MTDH: variants seen among roughly 807,000 people sequenced by gnomAD.
MTDH encodes protein LYRIC.
In MTDH, 34 loss-of-function variants were observed where a neutral mutation model predicts 72.7. That is an observed-to-expected ratio of 0.47 (90% CI 0.36 to 0.62). The LOEUF (loss-of-function observed/expected upper bound fraction) is 0.62, where lower values mean the gene tolerates loss of function less well. MTDH is among the 20% of genes least tolerant of loss of function. MTDH has a pLI of 0.00. For synonymous variants in MTDH, 266 were observed against 268.9 expected (o/e 0.99, Z 0.10); for missense variants, 677 against 699.4 (o/e 0.97, Z 0.36).
chr8:97,720,646 C>T (rs1332225222), intron 10 of MTDH, among the ~76,000 whole-genome samples: 1 of 126,546 alleles, frequency 7.9e-6, no homozygotes, highest in Non-Finnish European at 1.6e-5. Flanking sequence ...GTCTATTTGA[C>T]TTTTTTTTTT....
At chr8:97,665,256 T>C (rs1438048521) in intron 2 of MTDH, among the ~76,000 whole-genome samples, 1 of 152,174 alleles carries the variant, frequency 6.6e-6, no homozygotes. Flanking sequence ...TAGATAAAAG[T>C]TTGCCTAGAA....
intron 10 of MTDH, among the ~76,000 whole-genome samples, chr8:97,719,492 CAAAAAA>C (rs11383714): frequency 5.0e-5 from 4 of 79,930 alleles, no homozygotes; most frequent in African/African-American, 1.2e-4. Context: ...GACACTGTCT[CAAAAAA>C]AAAAAAAAAA....
Position 97,729,298 on chromosome 8 carries a change from G to T in MTDH, c.*4628G>T, listed in dbSNP as rs1213887240. ...AAACTTCCTATCGGCATCTGAGCCAGCTGGTAGAGGGCATTACCTCCCCCA... is the reference window on the plus strand; with the variant it reads ...AAACTTCCTATCGGCATCTGAGCCATCTGGTAGAGGGCATTACCTCCCCCA... On this transcript the variant is annotated 3_prime_UTR_variant, in exon 12 of 12. Transcript: ENST00000336273. Among the ~76,000 whole-genome samples the T allele has an allele frequency of 1.3e-5, 2 of 152,022 alleles. No individual in the cohort carries two copies. Among genetic ancestry groups the T allele is most frequent in the Non-Finnish European group, 2.9e-5 (2 of 68,002 alleles).
intron 2 of MTDH, among the ~76,000 whole-genome samples, chr8:97,665,626 G>A (rs1289449352): frequency 6.6e-6 from 1 of 152,110 alleles, no homozygotes; most frequent in Admixed American, 6.6e-5. Flanking sequence ...TCAGTAAGTA[G>A]GCATATGGAG....
chr8:97,687,348 C>T, intron 3 of MTDH, 81 bp from the exon 4 acceptor site: 2 of 1,182,074 alleles, frequency 1.7e-6, no homozygotes, highest in Non-Finnish European at 2.3e-6. Context: ...TTTATGTGCT[C>T]CACCCCATAT....
intron 2 of MTDH, among the ~76,000 whole-genome samples, chr8:97,679,864 C>T (rs2130980671): frequency 6.6e-6 from 1 of 152,212 alleles, no homozygotes. Flanking sequence ...ACCATATGTT[C>T]CATATATTGA....
intron 2 of MTDH, among the ~76,000 whole-genome samples, chr8:97,664,171 C>T (rs1812288443): frequency 6.6e-6 from 1 of 152,146 alleles, no homozygotes; most frequent in Admixed American, 6.5e-5. Flanking sequence ...GCCTGGTCAA[C>T]ATGGTGAAAC....
At chr8:97,671,192 C>T (rs1812608375) in intron 2 of MTDH, among the ~76,000 whole-genome samples, 1 of 152,018 alleles carries the variant, frequency 6.6e-6, no homozygotes, top group Non-Finnish European at 1.5e-5. Flanking sequence ...GTCTTGAGCT[C>T]CTGACCTCAG....
At chr8:97,662,870 TAA>T (rs1812228996) in intron 2 of MTDH, among the ~76,000 whole-genome samples, 1 of 151,274 alleles carries the variant, frequency 6.6e-6, no homozygotes, top group African/African-American at 2.4e-5. Context: ...AAGAAGTGGC[TAA>T]GTCACTTCTT....
intron 6 of MTDH, among the ~76,000 whole-genome samples, chr8:97,696,909 G>A (rs986007233): frequency 1.7e-4 from 26 of 151,190 alleles, no homozygotes; most frequent in Admixed American, 1.6e-3. Flanking sequence ...CTTGAGCCTA[G>A]GAGTTCAAGA....
At chr8:97,653,100 A>G (rs1004942936) in intron 1 of MTDH, among the ~76,000 whole-genome samples, 5 of 151,950 alleles carry the variant, frequency 3.3e-5, no homozygotes, top group Admixed American at 6.6e-5. Context: ...GCCTGGCGAC[A>G]GAGCGAGACT....
At chr8:97,657,099 G>T (rs1486967769) in intron 1 of MTDH, among the ~76,000 whole-genome samples, 3 of 151,844 alleles carry the variant, frequency 2.0e-5, no homozygotes, top group Non-Finnish European at 2.9e-5. Flanking sequence ...CCTCATTCTG[G>T]TTTACTACCA....
chr8:97,691,751 T>A (rs552492636), intron 6 of MTDH, among the ~76,000 whole-genome samples: 1 of 152,240 alleles, frequency 6.6e-6, no homozygotes, highest in South Asian at 2.1e-4. Flanking sequence ...ACATTACATG[T>A]GGGCAATTGC....
chr8:97,682,140 TAGC>T (rs1393682796), intron 2 of MTDH, among the ~76,000 whole-genome samples: 7 of 149,012 alleles, frequency 4.7e-5, no homozygotes, highest in Non-Finnish European at 1.0e-4. Flanking sequence ...CCAGGGCAAA[TAGC>T]AGTATATATC....
At chr8:97,720,891 T>G (rs1815094245) in intron 10 of MTDH, among the ~76,000 whole-genome samples, 1 of 151,702 alleles carries the variant, frequency 6.6e-6, no homozygotes, top group African/African-American at 2.4e-5. Flanking sequence ...TGACCTCAAG[T>G]GATCCGCCTG....
At chr8:97,669,023 C>G (rs932192953) in intron 2 of MTDH, among the ~76,000 whole-genome samples, 4 of 152,198 alleles carry the variant, frequency 2.6e-5, no homozygotes, top group African/African-American at 9.7e-5. Flanking sequence ...CTTACCCTCT[C>G]TGAACTCCAG....
Position 97,655,054 on chromosome 8 carries a change from A to C in MTDH, c.382-6018A>C, listed in dbSNP as rs1485007415. Among the ~76,000 whole-genome samples, 5 of 152,058 alleles carry C rather than the reference A, an allele frequency of 3.3e-5. No homozygotes were observed. In the East Asian group the frequency reaches 9.6e-4, roughly 29 times the overall value. The stretch of plus-strand genomic sequence containing the variant: ...TTGCAGTGAGTCGAGCCGAGATCAC[A>C]CACCACTGCACTCCAGCCTGGGCAA... On this transcript the variant is annotated intron_variant, in intron 1 of 11. Transcript: ENST00000336273.
chr8:97,729,087 AT>A lies in MTDH; in HGVS notation c.*4435del, dbSNP rs36070456. 0.42 allele frequency among the ~76,000 whole-genome samples: 57,767 copies of A among 137,816 alleles called. 13,959 individuals are homozygous for A. The highest frequency in any genetic ancestry group is 0.7 in the African/African-American group (25,325 of 36,292). The allele number at this position is 137,816 out of a possible 152,430, so 90.4% of individuals were successfully genotyped here. On this transcript the variant is annotated 3_prime_UTR_variant, in exon 12 of 12. Coordinates refer to ENST00000336273, the MANE Select transcript of MTDH (RefSeq NM_178812.4). ...GGTACACACCACCATGCCTGGCTAAATTTTTTTTTTTTTTTTTTGGTAGAGA... is the reference window on the plus strand; with the variant it reads ...GGTACACACCACCATGCCTGGCTAAATTTTTTTTTTTTTTTTTGGTAGAGA...
intron 2 of MTDH, among the ~76,000 whole-genome samples, chr8:97,674,928 A>G (rs914844776): frequency 1.3e-5 from 2 of 151,966 alleles, no homozygotes; most frequent in African/African-American, 2.4e-5. Flanking sequence ...CTCCCACCTC[A>G]GCTTCCCAAG....
Sources: gnomAD v4.1 joint callset for allele counts (sites outside exome capture counted in the v4.1 genomes callset) on GRCh38, gnomAD v4.1.1 for gene constraint, MANE v1.5 for transcripts, NCBI Gene and HGNC (gene_info 2026-07-23, HGNC 2026-07-21) for gene names.